The following PDE12 variants were observed in gnomAD, a reference collection of about 807,000 sequenced individuals.
PDE12 encodes the protein phosphodiesterase 12, also known as 2',5'-phosphodiesterase 12.
A neutral mutation model predicts 45.4 loss-of-function variants in PDE12; 26 were observed. The observed-to-expected ratio is 0.57, with a 90% CI of 0.42 to 0.79. The LOEUF (loss-of-function observed/expected upper bound fraction) is 0.79. Among genes scored for constraint, PDE12 ranks in the 30% least tolerant of loss-of-function variants. The probability of loss-of-function intolerance (pLI) is 0.00; values close to 1 mark genes in which losing one functional copy is unlikely to be tolerated. For missense variants in PDE12, 668 were observed against 790.0 expected (o/e 0.85, Z 1.85); for synonymous variants, 283 against 323.9 (o/e 0.87, Z 1.36).
the PDE12 span, among the ~76,000 whole-genome samples, chr3:57,580,711 C>T: frequency 1.1e-4 from 17 of 151,762 alleles, no homozygotes; most frequent in African/African-American, 4.1e-4. Context: ...CTACCCTTTA[C>T]AAGAGGTAAT....
Position 57,561,732 on chromosome 3 carries a change from AC to A in PDE12, c.*1730del. ...TTGTTTCAAATTCTTTAATCTCTGA[AC>A]CTAGTATCATAAGAATTTCCTCTTT... On this transcript the variant is annotated 3_prime_UTR_variant, in exon 3 of 3. Coordinates refer to ENST00000311180, the MANE Select transcript of PDE12 (RefSeq NM_177966.7). The A allele has an allele frequency of 1.0e-6, 1 of 984,928 alleles. No homozygotes were observed. The highest frequency in any genetic ancestry group is 1.2e-6 in the Non-Finnish European group (1 of 829,546). The allele number at this position is 984,928 out of a possible 1,614,324, so 61.0% of individuals were successfully genotyped here. A position where few individuals can be genotyped will look rare whatever the true frequency, so the allele number is the denominator to read the frequency against.
the PDE12 span, among the ~76,000 whole-genome samples, chr3:57,572,516 T>C: frequency 1.3e-5 from 2 of 151,856 alleles, no homozygotes; most frequent in Non-Finnish European, 2.9e-5. Context: ...AGCTTAGTAG[T>C]TCGAGACCAG....
At chr3:57,644,914 A>G in the PDE12 span, among the ~76,000 whole-genome samples, 1 of 151,766 alleles carries the variant, frequency 6.6e-6, no homozygotes, top group South Asian at 2.1e-4. Context: ...GAACAAATTC[A>G]GTGAATATGA....
chr3:57,613,012 G>A, the PDE12 span, among the ~76,000 whole-genome samples: 6 of 152,074 alleles, frequency 3.9e-5, no homozygotes, highest in East Asian at 7.7e-4. Context: ...ACGGAGTCTC[G>A]CTCTGTTACC....
At chr3:57,636,974 G>C in the PDE12 span, among the ~76,000 whole-genome samples, 1 of 151,144 alleles carries the variant, frequency 6.6e-6, no homozygotes, top group South Asian at 2.1e-4. Flanking sequence ...TCCATAGGAA[G>C]GAGAAAAGGC....
At chr3:57,641,872 C>A in the PDE12 span, 6 of 646,228 alleles carry the variant, frequency 9.3e-6, no homozygotes, top group Non-Finnish European at 1.5e-5. Flanking sequence ...TTATTCAACA[C>A]ATTACATATC....
At chr3:57,594,903 A>T in the PDE12 span, among the ~76,000 whole-genome samples, 1 of 152,352 alleles carries the variant, frequency 6.6e-6, no homozygotes, top group Admixed American at 6.5e-5. Context: ...GTTCATGCAC[A>T]TATCTCCCTC....
chr3:57,641,631 G>C, the PDE12 span: 1 of 1,593,358 alleles, frequency 6.3e-7, no homozygotes, highest in East Asian at 2.2e-5. Flanking sequence ...ACTAGAAACA[G>C]AACACCAAGT....
the PDE12 span, among the ~76,000 whole-genome samples, chr3:57,612,969 G>A: frequency 5.3e-5 from 8 of 151,816 alleles, no homozygotes; most frequent in Non-Finnish European, 1.0e-4. Flanking sequence ...TGAACTATAC[G>A]CTACATACAA....
chr3:57,587,899 A>G, the PDE12 span, among the ~76,000 whole-genome samples: 1 of 152,230 alleles, frequency 6.6e-6, no homozygotes, highest in Non-Finnish European at 1.5e-5. Context: ...TGCTGTATAA[A>G]TGCAAATTAA....
the PDE12 span, chr3:57,630,881 T>A: frequency 6.2e-7 from 1 of 1,610,754 alleles, no homozygotes. Flanking sequence ...TCACAGAAGT[T>A]AATTACAGTT....
the PDE12 span, chr3:57,641,723 G>C: frequency 1.2e-6 from 2 of 1,612,776 alleles, no homozygotes; most frequent in African/African-American, 2.7e-5. Flanking sequence ...AAAAAGGGTT[G>C]GTTACTCCTA....
the PDE12 span, chr3:57,584,579 A>T: frequency 1.2e-6 from 1 of 858,376 alleles, no homozygotes; most frequent in Non-Finnish European, 1.8e-6. Context: ...CAACTTCTAA[A>T]TGAGTTAGAA....
At chr3:57,634,413 A>G in the PDE12 span, 1 of 363,034 alleles carries the variant, frequency 2.8e-6, no homozygotes. Flanking sequence ...AGCCTGGGTG[A>G]TAGAGTGAGA....
the PDE12 span, among the ~76,000 whole-genome samples, chr3:57,651,646 A>G: frequency 6.6e-6 from 1 of 152,110 alleles, no homozygotes; most frequent in Admixed American, 6.6e-5. Flanking sequence ...AAAAGGTTGA[A>G]TATTGTATGA....
the PDE12 span, among the ~76,000 whole-genome samples, chr3:57,649,249 A>C: frequency 6.6e-6 from 1 of 152,190 alleles, no homozygotes; most frequent in African/African-American, 2.4e-5. Context: ...ACAAACATTA[A>C]AAAATGCTTA....
chr3:57,613,193 C>A, the PDE12 span, among the ~76,000 whole-genome samples: 1 of 151,086 alleles, frequency 6.6e-6, no homozygotes. Flanking sequence ...GTTACCCAGG[C>A]TGGTCTCAAA....
chr3:57,569,885 C>T (rs2069820232), downstream of PDE12, among the ~76,000 whole-genome samples: 1 of 143,146 alleles, frequency 7.0e-6, no homozygotes, highest in South Asian at 2.3e-4. Context: ...AGCTGCTTTA[C>T]ATCACGAGTA....
chr3:57,630,750 G>A, the PDE12 span: 1 of 1,614,016 alleles, frequency 6.2e-7, no homozygotes, highest in Non-Finnish European at 8.5e-7. Flanking sequence ...TTATTCTAGA[G>A]GTTAGCTGAG....
Sources: allele counts gnomAD v4.1 joint callset (sites outside exome capture counted in the v4.1 genomes callset), GRCh38; gene constraint gnomAD v4.1.1; transcripts MANE v1.5; gene names NCBI Gene and HGNC (gene_info 2026-07-23, HGNC 2026-07-21).